Variants in STON1 observed in about 807,000 individuals in gnomAD.
STON1 encodes stonin-1.
In STON1, 79 loss-of-function variants were observed where a neutral mutation model predicts 60.9. The observed-to-expected ratio is 1.30, with a 90% CI of 1.08 to 1.56. The LOEUF is 1.56. Among genes scored for constraint, STON1 ranks in the 40% most tolerant of loss-of-function variants. The pLI is 0.00. For synonymous variants in STON1, 363 were observed against 306.9 expected (o/e 1.18, Z -1.91); for missense variants, 1,166 against 858.9 (o/e 1.36, Z -4.47).
At chr2:48,593,319 G>T (rs1205794251) in intron 3 of STON1, among the ~76,000 whole-genome samples, 4 of 151,570 alleles carry the variant, frequency 2.6e-5, no homozygotes, top group Non-Finnish European at 5.9e-5. Flanking sequence ...GTTTCACCAT[G>T]TTGGCCAGGC....
intron 1 of STON1, among the ~76,000 whole-genome samples, chr2:48,579,350 C>A (rs1673739413): frequency 6.6e-6 from 1 of 151,994 alleles, no homozygotes; most frequent in Non-Finnish European, 1.5e-5. Context: ...ACTGTGTTGC[C>A]CAGGCTGGAG....
intron 3 of STON1, 141 bp from the exon 4 acceptor site, chr2:48,595,087 T>C (rs927827500): frequency 1.5e-6 from 1 of 689,350 alleles, no homozygotes; most frequent in Admixed American, 2.5e-5. Flanking sequence ...TGGAAGCTAC[T>C]GTAGGAGGGT....
chr2:48,570,585 A>C (rs2103867873), intron 1 of STON1, among the ~76,000 whole-genome samples: 1 of 152,256 alleles, frequency 6.6e-6, no homozygotes, highest in African/African-American at 2.4e-5. Flanking sequence ...TTGAGGTCTA[A>C]GGTTGCAAAC....
At position 48,581,621 on chromosome 2, in the gene STON1, C is replaced by T; in HGVS notation, c.988C>T (p.Leu330Phe). The T allele has an allele frequency of 2.5e-6, 4 of 1,614,204 alleles. No individual in the cohort carries two copies. The highest frequency in any genetic ancestry group is 3.4e-6 in the Non-Finnish European group (4 of 1,180,036). ...GATACAGCTTGATCCATATTGTAGG[C>T]TTTCTGAACCCAAGGTTGAGAACTT... ...KEIQLDPYCRLSEPKVENFSV... is the reference protein window; with the variant it reads ...KEIQLDPYCRFSEPKVENFSV... The change falls in exon 2 of 4, where the codon CTT becomes TTT. Residue 330 changes from leucine to phenylalanine, a missense_variant. Transcript: ENST00000404752.
intron 1 of STON1, among the ~76,000 whole-genome samples, chr2:48,547,997 A>G (rs1671932706): frequency 6.6e-6 from 1 of 152,208 alleles, no homozygotes; most frequent in African/African-American, 2.4e-5. Flanking sequence ...CTAGGTAAAC[A>G]CTTTCAGATC....
At chr2:48,530,635 C>G (rs1397863575) in intron 1 of STON1, 2 of 153,056 alleles carry the variant, frequency 1.3e-5, no homozygotes, top group Non-Finnish European at 2.9e-5. Context: ...CTGTGTCTCT[C>G]TCCCGCTCCC....
At position 48,595,246 on chromosome 2, in the gene STON1, T is replaced by C. The variant is rs1358732992; in HGVS notation, c.2152T>C (p.Trp718Arg). The C allele has an allele frequency of 6.2e-7, 1 of 1,613,716 alleles. No individual in the cohort carries two copies. Among genetic ancestry groups the C allele is most frequent in the East Asian group, 2.2e-5 (1 of 44,888 alleles). ...YNIQVEIEKK[W>R]IKIDGEDPDK... ...ATAACAGGTTGAAATAGAAAAGAAG[T>C]GGATTAAAATCGATGGAGAAGACCC... Residue 718 changes from tryptophan to arginine, a missense_variant, in exon 4 of 4, where the codon TGG becomes CGG. Trp to Arg is a moderately radical substitution (Grantham distance 101, BLOSUM62 -3). Transcript: ENST00000404752.
chr2:48,551,754 A>C (rs1231423088), intron 1 of STON1, among the ~76,000 whole-genome samples: 1 of 152,228 alleles, frequency 6.6e-6, no homozygotes, highest in African/African-American at 2.4e-5. Flanking sequence ...TGTCAGGTAC[A>C]TTTACCAAAC....
intron 1 of STON1, among the ~76,000 whole-genome samples, chr2:48,571,698 T>C (rs577086153): frequency 2.0e-5 from 3 of 152,276 alleles, no homozygotes; most frequent in Non-Finnish European, 4.4e-5. Context: ...GTGGCCCCCT[T>C]TCCTATGAGA....
rs1261233440 is a variant in STON1, at chr2:48,557,567, G to C, written c.-47-23020G>C. Among the ~76,000 whole-genome samples, 4 of 115,252 alleles carry C rather than the reference G, an allele frequency of 3.5e-5. 1 individual carries two copies. The highest frequency in any genetic ancestry group is 1.3e-4 in the African/African-American group (4 of 31,402). 75.6% of individuals were successfully genotyped at this position (115,252 alleles called of 152,430 possible). ...GCAGAGGCTGCAATCTCGGCACTTT[G>C]GGAGGCCAAGGCAGGCGGCTGGGAG... On this transcript the variant is annotated intron_variant, in intron 1 of 3. Transcript: ENST00000404752.
intron 1 of STON1, among the ~76,000 whole-genome samples, chr2:48,576,709 C>T (rs62135232): frequency 0.33 from 49,437 of 151,678 alleles, 8,186 homozygotes; most frequent in East Asian, 0.42. Context: ...ATTTTCTTGC[C>T]GTTGAGTTTA....
chr2:48,593,589 A>G (rs1674645448), intron 3 of STON1, among the ~76,000 whole-genome samples: 2 of 152,224 alleles, frequency 1.3e-5, no homozygotes, highest in Non-Finnish European at 2.9e-5. Flanking sequence ...TGCCTGTTAC[A>G]CAGCCCTCAG....
intron 1 of STON1, among the ~76,000 whole-genome samples, chr2:48,546,439 GC>G (rs1171787239): frequency 6.6e-6 from 1 of 152,174 alleles, no homozygotes; most frequent in African/African-American, 2.4e-5. Flanking sequence ...TAGCTCTGAA[GC>G]TCATGTTTCC....
intron 1 of STON1, among the ~76,000 whole-genome samples, chr2:48,559,926 T>C (rs1672540732): frequency 6.6e-6 from 1 of 152,222 alleles, no homozygotes; most frequent in African/African-American, 2.4e-5. Context: ...CTGTAGATGG[T>C]GGTCCTTCAC....
intron 1 of STON1, among the ~76,000 whole-genome samples, chr2:48,578,529 TTTCTCCTCCTTCTCCTCC>T (rs139630416): frequency 1.1e-4 from 14 of 129,234 alleles, no homozygotes; most frequent in South Asian, 2.7e-4. Flanking sequence ...CCGCTTCCTC[TTTCTCCTCCTTCTCCTCC>T]TTCTCCTCCT....
At chr2:48,559,910 G>T (rs1356301575) in intron 1 of STON1, among the ~76,000 whole-genome samples, 1 of 152,198 alleles carries the variant, frequency 6.6e-6, no homozygotes, top group Admixed American at 6.5e-5. Flanking sequence ...GATCCTGGGT[G>T]ACTCTCTGTA....
intron 1 of STON1, among the ~76,000 whole-genome samples, chr2:48,574,226 A>AT (rs1193986164): frequency 6.6e-6 from 1 of 151,994 alleles, no homozygotes; most frequent in Non-Finnish European, 1.5e-5. Context: ...AAGTACAAAA[A>AT]TTAGCCGGGT....
In STON1 at chr2:48,582,701, T is replaced by G; in HGVS notation, c.1930+138T>G. 2.1e-6 allele frequency: 3 copies of G among 1,396,550 alleles called. No homozygotes were observed. The South Asian group carries it at 4.5e-5, about 21-fold the overall frequency. 86.5% of individuals were successfully genotyped at this position (1,396,550 alleles called of 1,614,324 possible). A position where few individuals can be genotyped will look rare whatever the true frequency, so the allele number is the denominator to read the frequency against. ...GTGCTTTGGGGTAGGAGATGGAACATTTAGCTAAACAGCTGGTTTATTTGT... is the reference window on the plus strand; with the variant it reads ...GTGCTTTGGGGTAGGAGATGGAACAGTTAGCTAAACAGCTGGTTTATTTGT... On this transcript the variant is annotated intron_variant, in intron 2 of 3. Coordinates refer to ENST00000404752, the MANE Select transcript of STON1 (RefSeq NM_006873.4).
chr2:48,560,463 G>C (rs187265234), intron 1 of STON1, among the ~76,000 whole-genome samples: 11 of 152,294 alleles, frequency 7.2e-5, no homozygotes, highest in Non-Finnish European at 1.5e-4. Context: ...CCACTGAAGA[G>C]CCCACAGAAC....
Sources: allele counts gnomAD v4.1 joint callset (sites outside exome capture counted in the v4.1 genomes callset), GRCh38; gene constraint gnomAD v4.1.1; transcripts MANE v1.5; gene names NCBI Gene and HGNC (gene_info 2026-07-23, HGNC 2026-07-21).